Variants in RFC3 observed in about 807,000 individuals in gnomAD.
RFC3 encodes replication factor C subunit 3, also known as A1 38 kDa subunit.
In RFC3, 41 loss-of-function variants were observed where a neutral mutation model predicts 45.1. The observed-to-expected ratio is 0.91, with a 90% CI of 0.71 to 1.18. The LOEUF (loss-of-function observed/expected upper bound fraction) is 1.18, where lower values mean the gene tolerates loss of function less well. RFC3 is among the 50% of genes most tolerant of loss of function. RFC3 has a pLI of 0.00. For missense variants in RFC3, 423 were observed against 428.1 expected, an observed-to-expected ratio of 0.99 and a Z score of 0.10; for synonymous variants, 149 against 144.0, an observed-to-expected ratio of 1.03 and a Z score of -0.25.
At chr13:33,957,291 G>C (rs1304026992) in intron 8 of RFC3, among the ~76,000 whole-genome samples, 1 of 152,150 alleles carries the variant, frequency 6.6e-6, no homozygotes, top group Non-Finnish European at 1.5e-5. Flanking sequence ...GATCAAGCCT[G>C]CATTTCTTTT....
At chr13:33,865,879 C>A (rs1333162787) in intron 8 of RFC3, among the ~76,000 whole-genome samples, 2 of 152,058 alleles carry the variant, frequency 1.3e-5, no homozygotes, top group Admixed American at 6.5e-5. Context: ...CATGGAGAAA[C>A]CCTGTCTCTA....
intron 8 of RFC3, among the ~76,000 whole-genome samples, chr13:33,888,891 G>A (rs1476589947): frequency 6.6e-6 from 1 of 151,696 alleles, no homozygotes; most frequent in Non-Finnish European, 1.5e-5. Flanking sequence ...GACTACAGGC[G>A]CCCGCCACCA....
At chr13:33,854,046 A>G (rs1228056600) in intron 8 of RFC3, among the ~76,000 whole-genome samples, 2 of 152,236 alleles carry the variant, frequency 1.3e-5, no homozygotes, top group East Asian at 3.8e-4. Context: ...TGAAATTAGG[A>G]TCTTAATGGA....
At chr13:33,976,515 T>A in the RFC3 span, among the ~76,000 whole-genome samples, 1 of 152,130 alleles carries the variant, frequency 6.6e-6, no homozygotes, top group Non-Finnish European at 1.5e-5. Flanking sequence ...GTAGGATAAC[T>A]ATAGTTAACA....
chr13:33,881,344 A>C (rs74837596), intron 8 of RFC3, among the ~76,000 whole-genome samples: 2 of 152,176 alleles, frequency 1.3e-5, no homozygotes, highest in Non-Finnish European at 2.9e-5. Flanking sequence ...TAGTTCAGCA[A>C]ACATCATTGG....
chr13:33,897,006 G>T (rs1717390016), intron 8 of RFC3, among the ~76,000 whole-genome samples: 1 of 151,346 alleles, frequency 6.6e-6, no homozygotes. Flanking sequence ...CAACCTGAAA[G>T]AAAACAAAAA....
At chr13:33,830,278 T>A (rs1307986539) in intron 5 of RFC3, among the ~76,000 whole-genome samples, 3 of 152,192 alleles carry the variant, frequency 2.0e-5, no homozygotes, top group Non-Finnish European at 4.4e-5. Context: ...AAGGGCTAGT[T>A]ATTTACTGTC....
chr13:33,847,243 TGA>T (rs2082244396), intron 8 of RFC3: 1 of 152,272 alleles, frequency 6.6e-6, no homozygotes, highest in Non-Finnish European at 1.5e-5. Context: ...TGATGGGGGA[TGA>T]GAGAGGGGTG....
chr13:33,875,671 A>G (rs74489683), intron 8 of RFC3, among the ~76,000 whole-genome samples: 1,768 of 152,098 alleles, frequency 0.012, 37 homozygotes, highest in African/African-American at 0.041. Flanking sequence ...CATGATCCCA[A>G]TTCACCTCAG....
rs151200130 is a variant in RFC3, at chr13:33,900,867, A to G, written c.880-65220A>G. The stretch of plus-strand genomic sequence containing the variant: ...AAAAAATAATAAATATAATAATCCA[A>G]TTGAAAATGGACAAAAAATGTGATT... On this transcript the variant is annotated intron_variant, in intron 8 of 8. Coordinates refer to the RFC3 transcript ENST00000434425. Among the ~76,000 whole-genome samples the G allele has an allele frequency of 5.0e-3, 762 of 151,624 alleles. 6 individuals carry two copies. The highest frequency in any genetic ancestry group is 0.018 in the African/African-American group (735 of 41,448).
intron 8 of RFC3, among the ~76,000 whole-genome samples, chr13:33,871,527 C>T (rs941343506): frequency 1.3e-5 from 2 of 152,202 alleles, no homozygotes; most frequent in Non-Finnish European, 2.9e-5. Context: ...CCAGCTAATC[C>T]GGGATAATCT....
intron 8 of RFC3, among the ~76,000 whole-genome samples, chr13:33,942,338 C>T (rs570178115): frequency 9.9e-5 from 15 of 151,980 alleles, no homozygotes; most frequent in East Asian, 9.7e-4. Context: ...TTAATTCTTA[C>T]GAGTACATAA....
At chr13:33,968,721 A>G (rs191264976), downstream of RFC3, among the ~76,000 whole-genome samples, 415 of 152,356 alleles carry the variant, frequency 2.7e-3, 2 homozygotes, top group Non-Finnish European at 3.9e-3. Context: ...TGTAAATTAT[A>G]AAGTGCTTGA....
intron 8 of RFC3, among the ~76,000 whole-genome samples, chr13:33,909,457 C>G (rs1280997959): frequency 6.6e-6 from 1 of 152,020 alleles, no homozygotes; most frequent in Non-Finnish European, 1.5e-5. Flanking sequence ...TATTCTGCTC[C>G]TCTTCGTCAT....
chr13:33,906,579 A>G (rs1038327296), intron 8 of RFC3, among the ~76,000 whole-genome samples: 3 of 152,008 alleles, frequency 2.0e-5, no homozygotes, highest in Non-Finnish European at 4.4e-5. Context: ...TTTCATTTGC[A>G]TATATTCCCT....
At chr13:33,886,214 C>G (rs919497833) in intron 8 of RFC3, among the ~76,000 whole-genome samples, 3 of 152,082 alleles carry the variant, frequency 2.0e-5, no homozygotes, top group Non-Finnish European at 4.4e-5. Flanking sequence ...TAGCCACATG[C>G]CTGAACTACC....
intron 4 of RFC3, among the ~76,000 whole-genome samples, chr13:33,829,385 A>T (rs3135595): frequency 0.14 from 20,679 of 152,208 alleles, 1,853 homozygotes; most frequent in South Asian, 0.31. Flanking sequence ...TATTTTGGGG[A>T]AATGCAGCAC....
chr13:33,936,199 C>A (rs2082885328), intron 8 of RFC3, among the ~76,000 whole-genome samples: 1 of 152,094 alleles, frequency 6.6e-6, no homozygotes, highest in Non-Finnish European at 1.5e-5. Flanking sequence ...GAAGTGTAAT[C>A]ACTGGGCAGA....
chr13:33,960,453 G>A (rs1019630066), intron 8 of RFC3, among the ~76,000 whole-genome samples: 6 of 152,116 alleles, frequency 3.9e-5, no homozygotes, highest in Non-Finnish European at 8.8e-5. Flanking sequence ...AAAATGCACT[G>A]TAATTATTTT....
Sources: gnomAD v4.1 joint callset for allele counts (sites outside exome capture counted in the v4.1 genomes callset) on GRCh38, gnomAD v4.1.1 for gene constraint, MANE v1.5 for transcripts, NCBI Gene and HGNC (gene_info 2026-07-23, HGNC 2026-07-21) for gene names.